GPM6A: variants seen among roughly 807,000 people sequenced by gnomAD.
The protein encoded by GPM6A is neuronal membrane glycoprotein M6-a.
Under a neutral mutation model 32.1 loss-of-function variants are expected in GPM6A, and 7 were observed. That is an observed-to-expected ratio of 0.22 (90% CI 0.12 to 0.41). The LOEUF is 0.41. Among genes scored for constraint, GPM6A ranks in the 10% least tolerant of loss-of-function variants. The pLI is 1.00. For synonymous variants in GPM6A, 130 were observed against 123.4 expected (o/e 1.05, Z -0.35); for missense variants, 235 against 347.2 (o/e 0.68, Z 2.57).
intron 2 of GPM6A, among the ~76,000 whole-genome samples, chr4:175,674,059 C>G (rs114578782): frequency 6.6e-6 from 1 of 152,318 alleles, no homozygotes; most frequent in Non-Finnish European, 1.5e-5. Flanking sequence ...TTAAGGTTTT[C>G]ATGTTTGTCA....
At chr4:175,903,959 T>G (rs1057130829) in intron 1 of GPM6A, among the ~76,000 whole-genome samples, 17 of 152,150 alleles carry the variant, frequency 1.1e-4, no homozygotes, top group Admixed American at 1.3e-4. Flanking sequence ...GAGAATGTCC[T>G]TCTGGGGAAA....
At chr4:175,985,990 G>C (rs2126451344) in intron 1 of GPM6A, among the ~76,000 whole-genome samples, 1 of 152,052 alleles carries the variant, frequency 6.6e-6, no homozygotes, top group South Asian at 2.1e-4. Flanking sequence ...ATTCTTAGTA[G>C]AGATAGGGTT....
At chr4:175,774,373 T>C (rs1395101445) in intron 1 of GPM6A, among the ~76,000 whole-genome samples, 1 of 152,102 alleles carries the variant, frequency 6.6e-6, no homozygotes, top group Admixed American at 6.6e-5. Flanking sequence ...ATATTAATCT[T>C]ATTTGTATAA....
intron 1 of GPM6A, among the ~76,000 whole-genome samples, chr4:175,899,831 C>T (rs1249545282): frequency 6.6e-6 from 1 of 151,850 alleles, no homozygotes; most frequent in East Asian, 1.9e-4. Context: ...TGAGCAATAC[C>T]TCACAAGCAC....
chr4:175,693,569 T>C (rs75158062), intron 2 of GPM6A, among the ~76,000 whole-genome samples: 2 of 152,196 alleles, frequency 1.3e-5, no homozygotes, highest in East Asian at 3.9e-4. Context: ...GTAGTCTATG[T>C]ATTCTTTTTT....
chr4:175,749,068 G>A (rs1383698500), intron 1 of GPM6A, among the ~76,000 whole-genome samples: 1 of 152,122 alleles, frequency 6.6e-6, no homozygotes, highest in Non-Finnish European at 1.5e-5. Flanking sequence ...TCTTCTGGGA[G>A]TTGGATAGGA....
At chr4:175,868,122 T>C (rs1037036135) in intron 1 of GPM6A, among the ~76,000 whole-genome samples, 3 of 152,210 alleles carry the variant, frequency 2.0e-5, no homozygotes, top group Admixed American at 1.3e-4. Context: ...CAGCAATTTG[T>C]TCAGGTTTTC....
chr4:175,838,102 C>CACACACAG (rs1346052910), intron 1 of GPM6A, among the ~76,000 whole-genome samples: 9 of 81,872 alleles, frequency 1.1e-4, no homozygotes, highest in African/African-American at 3.9e-4. Flanking sequence ...CACACACACA[C>CACACACAG]ACACACACAG....
At chr4:175,741,172 C>T (rs1731874386) in intron 1 of GPM6A, among the ~76,000 whole-genome samples, 1 of 151,962 alleles carries the variant, frequency 6.6e-6, no homozygotes, top group African/African-American at 2.4e-5. Context: ...TGATAGGGCT[C>T]AACAACCACT....
Position 175,635,056 on chromosome 4 carries a change from A to G in GPM6A, c.686T>C (p.Val229Ala). ...AGAGAAVIAM[V>A]HYLMVLSANW... ...GGCAGACAGAACCATAAGGTAGTGAACCTAATCAAAGAGAAAAATAATTTA... is the reference window on the plus strand; with the variant it reads ...GGCAGACAGAACCATAAGGTAGTGAGCCTAATCAAAGAGAAAAATAATTTA... Residue 229 changes from valine (V) to alanine (A), a missense_variant and splice_region_variant, in exon 7 of 7, where the codon GTT becomes GCT. By Grantham distance (64) the Val-to-Ala change is moderately conservative. Around this residue, in one of 3 missense-constraint regions of GPM6A, gnomAD observed 107 missense variants for 116.7 expected, o/e 0.92. Transcript: ENST00000393658. 1 of 1,612,422 alleles carries G rather than the reference A, an allele frequency of 6.2e-7. No homozygotes were observed. The highest frequency in any genetic ancestry group is 8.5e-7 in the Non-Finnish European group (1 of 1,178,838).
At chr4:175,804,215 G>C (rs936988695) in intron 1 of GPM6A, among the ~76,000 whole-genome samples, 12 of 152,104 alleles carry the variant, frequency 7.9e-5, no homozygotes, top group African/African-American at 2.9e-4. Flanking sequence ...GGTGTTTGAA[G>C]AAAAATAAAT....
chr4:175,868,711 C>T (rs543468383), intron 1 of GPM6A, among the ~76,000 whole-genome samples: 1 of 152,170 alleles, frequency 6.6e-6, no homozygotes, highest in Non-Finnish European at 1.5e-5. Context: ...TTCAAATATA[C>T]TGTGACTTAT....
intron 1 of GPM6A, among the ~76,000 whole-genome samples, chr4:175,997,490 A>T (rs1341291216): frequency 6.6e-6 from 1 of 151,828 alleles, no homozygotes; most frequent in Middle Eastern, 3.2e-3. Context: ...TAGTTACTGG[A>T]TCAAGAGCTG....
chr4:175,890,561 ATTATT>A (rs1397518455), intron 1 of GPM6A, among the ~76,000 whole-genome samples: 5 of 148,508 alleles, frequency 3.4e-5, no homozygotes, highest in African/African-American at 1.2e-4. Flanking sequence ...ATTTTATTTT[ATTATT>A]TTATTTTATT....
At chr4:175,796,927 A>G (rs1734255328) in intron 1 of GPM6A, among the ~76,000 whole-genome samples, 1 of 152,194 alleles carries the variant, frequency 6.6e-6, no homozygotes, top group South Asian at 2.1e-4. Flanking sequence ...GTATTTTCAG[A>G]CGTTTCTGAT....
chr4:175,685,146 C>G, intron 2 of GPM6A, among the ~76,000 whole-genome samples: 1 of 152,138 alleles, frequency 6.6e-6, no homozygotes, highest in East Asian at 1.9e-4. Context: ...GCCTCGGCCT[C>G]CCAAAGTGCT....
At chr4:175,796,012 T>A (rs536159801) in intron 1 of GPM6A, 13 of 152,306 alleles carry the variant, frequency 8.5e-5, no homozygotes, top group African/African-American at 2.6e-4. Flanking sequence ...TTAATTGCAA[T>A]CTTGTCACTT....
intron 1 of GPM6A, among the ~76,000 whole-genome samples, chr4:175,705,957 C>T (rs1745165192): frequency 6.6e-6 from 1 of 152,086 alleles, no homozygotes; most frequent in African/African-American, 2.4e-5. Flanking sequence ...ACTGAATTTA[C>T]ATGTTCTAGT....
At chr4:175,748,586 G>T (rs534843433) in intron 1 of GPM6A, among the ~76,000 whole-genome samples, 14 of 152,232 alleles carry the variant, frequency 9.2e-5, no homozygotes, top group African/African-American at 3.4e-4. Context: ...AAACAGATGT[G>T]CTGTCACCTT....
Sources: allele counts gnomAD v4.1 joint callset (sites outside exome capture counted in the v4.1 genomes callset), GRCh38; gene constraint gnomAD v4.1.1; regional missense constraint gnomAD v4.1.1; transcripts MANE v1.5; gene names NCBI Gene and HGNC (gene_info 2026-07-23, HGNC 2026-07-21).